The following ATXN2 variants were observed in gnomAD, a reference collection of about 807,000 sequenced individuals.
The protein encoded by ATXN2 is ataxin-2.
Under a neutral mutation model 138.6 loss-of-function variants are expected in ATXN2, and 37 were observed. The observed-to-expected ratio is 0.27, with a 90% CI of 0.21 to 0.35. ATXN2 has a LOEUF of 0.35. Ranked by LOEUF, ATXN2 falls within the 10% of genes least tolerant of loss-of-function variation. The pLI is 1.00. For synonymous variants in ATXN2, 549 were observed against 543.7 expected, an observed-to-expected ratio of 1.01 and a Z score of -0.13; for missense variants, 1,216 against 1,480.3, an observed-to-expected ratio of 0.82 and a Z score of 2.93.
At chr12:111,523,224 T>C (rs969862872) in intron 6 of ATXN2, among the ~76,000 whole-genome samples, 1 of 151,214 alleles carries the variant, frequency 6.6e-6, no homozygotes, top group Admixed American at 6.6e-5. Flanking sequence ...AGCAAGACTC[T>C]GTCTCAAAAA....
intron 5 of ATXN2, among the ~76,000 whole-genome samples, chr12:111,538,943 G>A (rs1566051575): frequency 6.7e-6 from 1 of 149,872 alleles, no homozygotes; most frequent in East Asian, 1.9e-4. Flanking sequence ...CACTTCATGA[G>A]GTTTGCTGTA....
In ATXN2 at chr12:111,453,582, T is replaced by C. The variant is rs975163302; in HGVS notation, c.3439+95A>G. The C allele has an allele frequency of 2.3e-5, 34 of 1,454,718 alleles. No individual in the cohort carries two copies. The highest frequency in any genetic ancestry group is 2.9e-5 in the African/African-American group (2 of 70,062). The allele number at this position is 1,454,718 out of a possible 1,614,324, so 90.1% of individuals were successfully genotyped here. ...TGGACGGGTCTTGCTAGTTCTCAAA[T>C]GCGGGGCTTGAAGCACTGGCCCTGC... On this transcript the variant is annotated intron_variant, in intron 24 of 24. Coordinates refer to ENST00000673436, the MANE Select transcript of ATXN2 (RefSeq NM_001372574.1). This position sits in a 1 kb window ranked among gnomAD's most constrained non-coding sequence, Gnocchi z 5.4.
At chr12:111,526,799 T>A (rs919486498) in intron 5 of ATXN2, among the ~76,000 whole-genome samples, 1 of 152,216 alleles carries the variant, frequency 6.6e-6, no homozygotes, top group Non-Finnish European at 1.5e-5. Context: ...TAACTTTCCA[T>A]ATTCATGTCT....
At chr12:111,593,179 C>T (rs1884765766) in intron 1 of ATXN2, among the ~76,000 whole-genome samples, 2 of 151,898 alleles carry the variant, frequency 1.3e-5, no homozygotes, top group African/African-American at 4.8e-5. Context: ...GCACTCATTG[C>T]AACCTCCGGG....
rs1465129776 is a variant in ATXN2 at position 111,490,857 on chromosome 12, C to A, written c.1936-2077G>T. On this transcript the variant is annotated intron_variant, in intron 14 of 24. Coordinates refer to ENST00000673436, the MANE Select transcript of ATXN2 (RefSeq NM_001372574.1). ...GATTTTGCATTGAAACTCAGTGCTG[C>A]CCTGTCACAGTGGAAAGCAGCATAG... Among the ~76,000 whole-genome samples the A allele has an allele frequency of 2.6e-5, 4 of 152,076 alleles. No individual in the cohort carries two copies. The South Asian group carries it at 8.3e-4, about 32-fold the overall frequency.
Position 111,598,966 on chromosome 12 carries a change from C to T in ATXN2, c.69G>A (p.Gln23=), listed in dbSNP as rs1213631771. The T allele has an allele frequency of 5.6e-5, 84 of 1,503,026 alleles. No homozygotes were observed. In the East Asian group the frequency reaches 1.8e-3, roughly 32 times the overall value. The allele number at this position is 1,503,026 out of a possible 1,614,324, so 93.1% of individuals were successfully genotyped here. Residue 23 remains glutamine (Q), a synonymous_variant, in exon 1 of 25, where the codon CAG becomes CAA. Transcript: ENST00000673436. This position sits in a 1 kb window ranked among gnomAD's most constrained non-coding sequence, Gnocchi z 4.5. ...CGGGCGGCGGCTGCTGCTGCTGCTG[C>T]TGCTGCTGCTGTTGCTGCTGCTGCT... The part of the protein sequence containing the change: ...QQQQQQQQQQ[Q]QQQQQPPPAA...
At chr12:111,536,941 C>T (rs1274345287) in intron 5 of ATXN2, among the ~76,000 whole-genome samples, 2 of 151,926 alleles carry the variant, frequency 1.3e-5, no homozygotes, top group Non-Finnish European at 2.9e-5. Context: ...CGCCACCACA[C>T]CCAGCTCATT....
chr12:111,495,530 C>A (rs759758242), intron 14 of ATXN2, among the ~76,000 whole-genome samples: 1 of 152,030 alleles, frequency 6.6e-6, no homozygotes, highest in African/African-American at 2.4e-5. Flanking sequence ...GGGATCAATT[C>A]GGCAAGAGGT....
chr12:111,559,324 CTCT>C (rs1440885469), intron 1 of ATXN2, among the ~76,000 whole-genome samples: 1 of 151,004 alleles, frequency 6.6e-6, no homozygotes, highest in African/African-American at 2.4e-5. Flanking sequence ...TGGTCTTGAT[CTCT>C]TAACCTTGTG....
At chr12:111,576,060 C>T (rs1460765730) in intron 1 of ATXN2, among the ~76,000 whole-genome samples, 5 of 150,890 alleles carry the variant, frequency 3.3e-5, no homozygotes, top group Admixed American at 6.7e-5. Flanking sequence ...CCAGCCTGGG[C>T]GACAAGAGAC....
chr12:111,564,485 GAAA>G (rs34034056), intron 1 of ATXN2, among the ~76,000 whole-genome samples: 1 of 135,766 alleles, frequency 7.4e-6, no homozygotes, highest in African/African-American at 2.6e-5. Context: ...AGGGGAAATG[GAAA>G]AAAAAAAAAA....
At chr12:111,572,441 G>T (rs949980095) in intron 1 of ATXN2, among the ~76,000 whole-genome samples, 3 of 151,766 alleles carry the variant, frequency 2.0e-5, no homozygotes, top group Admixed American at 2.0e-4. Context: ...CCTTTACGAA[G>T]TTTGACAGGC....
At chr12:111,481,265 A>C (rs897605209) in intron 18 of ATXN2, among the ~76,000 whole-genome samples, 1 of 152,108 alleles carries the variant, frequency 6.6e-6, no homozygotes, top group East Asian at 1.9e-4. Flanking sequence ...GGAAGCACGG[A>C]GAAGCTCCAT....
chr12:111,520,067 T>C lies in ATXN2; in HGVS notation c.798A>G (p.Leu266=), dbSNP rs1314422791. The C allele has an allele frequency of 5.0e-6, 8 of 1,613,706 alleles. No individual in the cohort carries two copies. Among genetic ancestry groups the C allele is most frequent in the Non-Finnish European group, 6.8e-6 (8 of 1,179,994 alleles). Residue 266 remains leucine (L), a synonymous_variant, in exon 8 of 25, where the codon TTA becomes TTG. Coordinates refer to ENST00000673436, the MANE Select transcript of ATXN2 (RefSeq NM_001372574.1). ...AAAATTCTTCTGAGTTATCTCTTTC[T>C]AAGGGCACTCTGAAACATGAGGAAA... ...DSSLSSYTVP[L]ERDNSEEFLK... is the part of the protein sequence containing the mutation.
At chr12:111,569,006 GTT>G (rs1883174240) in intron 1 of ATXN2, among the ~76,000 whole-genome samples, 1 of 151,904 alleles carries the variant, frequency 6.6e-6, no homozygotes, top group African/African-American at 2.4e-5. Context: ...GTTTTGTTTT[GTT>G]TTGTTTTGTT....
chr12:111,582,525 T>C (rs907211084), intron 1 of ATXN2, among the ~76,000 whole-genome samples: 1 of 151,988 alleles, frequency 6.6e-6, no homozygotes, highest in Non-Finnish European at 1.5e-5. Flanking sequence ...GGAGGATCAC[T>C]TGAACCCAGG....
intron 18 of ATXN2, among the ~76,000 whole-genome samples, chr12:111,473,664 G>GAT (rs1000707399): frequency 2.3e-4 from 35 of 151,932 alleles, no homozygotes; most frequent in African/African-American, 8.5e-4. Context: ...TTATCTCCTG[G>GAT]ATAGATAAAA....
At chr12:111,493,418 C>G (rs1162116947) in intron 14 of ATXN2, among the ~76,000 whole-genome samples, 2 of 45,646 alleles carry the variant, frequency 4.4e-5, no homozygotes, top group Non-Finnish European at 7.8e-5. Flanking sequence ...GACTCTGTCT[C>G]AAAAAAAAAA....
intron 14 of ATXN2, among the ~76,000 whole-genome samples, chr12:111,502,092 C>T (rs1878812260): frequency 6.6e-6 from 1 of 152,046 alleles, no homozygotes. Flanking sequence ...AGGGTTTTAC[C>T]ATGTTACCCA....
Sources: gnomAD v4.1 joint callset for allele counts (sites outside exome capture counted in the v4.1 genomes callset) on GRCh38, gnomAD v4.1.1 for gene constraint, Gnocchi (gnomAD v3.1) non-coding constraint, MANE v1.5 for transcripts, NCBI Gene and HGNC (gene_info 2026-07-23, HGNC 2026-07-21) for gene names.